Variants in NFIB observed in about 807,000 individuals in gnomAD.
The protein encoded by NFIB is nuclear factor 1 B-type.
A neutral mutation model predicts 61.5 loss-of-function variants in NFIB; 11 were observed. The ratio of observed to expected loss-of-function variants is 0.18; its 90% confidence interval spans 0.11 to 0.30. NFIB has a LOEUF of 0.30. Among genes scored for constraint, NFIB ranks in the 10% least tolerant of loss-of-function variants. The pLI is 1.00. For synonymous variants in NFIB, 260 were observed against 216.5 expected (o/e 1.20, Z -1.76); for missense variants, 471 against 608.9 (o/e 0.77, Z 2.38).
At chr9:14,265,310 G>A (rs936017179) in intron 2 of NFIB, among the ~76,000 whole-genome samples, 8 of 152,186 alleles carry the variant, frequency 5.3e-5, no homozygotes, top group African/African-American at 1.4e-4. Context: ...CAACCCCAAT[G>A]TAGGCAGAAC....
intron 1 of NFIB, among the ~76,000 whole-genome samples, chr9:14,349,943 C>T (rs1316537828): frequency 1.3e-5 from 2 of 152,174 alleles, no homozygotes; most frequent in South Asian, 2.1e-4. Context: ...TTCCCTTCCC[C>T]GTGTGCCCCT....
chr9:14,350,431 G>A (rs1009430156), intron 1 of NFIB, among the ~76,000 whole-genome samples: 4 of 147,880 alleles, frequency 2.7e-5, no homozygotes, highest in South Asian at 2.3e-4. Flanking sequence ...ATCAGTCGGA[G>A]TTGTTGCTAC....
chr9:14,484,625 A>G, the NFIB span, among the ~76,000 whole-genome samples: 2 of 152,244 alleles, frequency 1.3e-5, no homozygotes, highest in South Asian at 2.1e-4. Flanking sequence ...AGCTACTACC[A>G]TCCTGGATGG....
chr9:14,197,197 T>C (rs926384388), intron 2 of NFIB, among the ~76,000 whole-genome samples: 1 of 152,236 alleles, frequency 6.6e-6, no homozygotes, highest in Admixed American at 6.5e-5. Context: ...TGCAGAGTAA[T>C]AGAAAAACCT....
intron 2 of NFIB, among the ~76,000 whole-genome samples, chr9:14,255,526 G>C (rs1015134559): frequency 4.6e-5 from 7 of 152,088 alleles, no homozygotes; most frequent in African/African-American, 7.2e-5. Context: ...TAAAAATCCA[G>C]GGCATACTGA....
chr9:14,184,393 T>G (rs1410016172), intron 2 of NFIB, among the ~76,000 whole-genome samples: 2 of 152,208 alleles, frequency 1.3e-5, no homozygotes, highest in Non-Finnish European at 2.9e-5. Flanking sequence ...TTCAGAATCT[T>G]TTTTTAAACC....
intron 1 of NFIB, among the ~76,000 whole-genome samples, chr9:14,365,947 G>C (rs537519436): frequency 2.0e-5 from 3 of 152,152 alleles, no homozygotes; most frequent in Non-Finnish European, 2.9e-5. Context: ...CCAGATGTGG[G>C]CTTAGGGATC....
intron 10 of NFIB, among the ~76,000 whole-genome samples, chr9:14,092,992 A>T (rs2034186105): frequency 6.6e-6 from 1 of 152,186 alleles, no homozygotes; most frequent in East Asian, 1.9e-4. Flanking sequence ...ATGTTTTTTT[A>T]AAATTATGCA....
intron 4 of NFIB, among the ~76,000 whole-genome samples, chr9:14,150,593 A>C (rs2042758396): frequency 6.6e-6 from 1 of 152,154 alleles, no homozygotes; most frequent in Non-Finnish European, 1.5e-5. Flanking sequence ...CTTGGAGGAA[A>C]CAGAATATAC....
chr9:14,431,011 G>A, the NFIB span, among the ~76,000 whole-genome samples: 1 of 152,048 alleles, frequency 6.6e-6, no homozygotes, highest in African/African-American at 2.4e-5. Flanking sequence ...GGAAATAATG[G>A]GGCCTTTGAG....
chr9:14,425,375 G>A, the NFIB span, among the ~76,000 whole-genome samples: 7 of 152,046 alleles, frequency 4.6e-5, no homozygotes, highest in African/African-American at 1.4e-4. Flanking sequence ...GTACCAGCAG[G>A]AATCGAGGGC....
At chr9:14,399,494 T>C (rs1479544879), upstream of NFIB, among the ~76,000 whole-genome samples, 2 of 152,190 alleles carry the variant, frequency 1.3e-5, no homozygotes, top group African/African-American at 4.8e-5. Flanking sequence ...GGCAAAAAAT[T>C]TGCAAGTAAT....
intron 1 of NFIB, among the ~76,000 whole-genome samples, chr9:14,369,947 A>G (rs2061340355): frequency 6.6e-6 from 1 of 152,070 alleles, no homozygotes; most frequent in South Asian, 2.1e-4. Context: ...CTATCTCTTT[A>G]CCCCCAGGGT....
intron 1 of NFIB, among the ~76,000 whole-genome samples, chr9:14,338,301 G>C (rs1195918381): frequency 6.6e-6 from 1 of 152,148 alleles, no homozygotes; most frequent in African/African-American, 2.4e-5. Flanking sequence ...GGCTGAGGCA[G>C]GAGAATGGCG....
intron 6 of NFIB, among the ~76,000 whole-genome samples, chr9:14,134,897 C>CAAAAAAAAAAAAAAAAAAAAAAA (rs57014530): frequency 1.6e-5 from 1 of 64,342 alleles, no homozygotes; most frequent in African/African-American, 4.6e-5. Flanking sequence ...GACTCTGTCT[C>CAAAAAAAAAAAAAAAAAAAAAAA]AAAAAAAAAA....
At chr9:14,366,942 A>T (rs867294813) in intron 1 of NFIB, among the ~76,000 whole-genome samples, 3 of 152,122 alleles carry the variant, frequency 2.0e-5, no homozygotes, top group Middle Eastern at 3.4e-3. Context: ...CTCCTACTTC[A>T]GAGGGCCCTG....
chr9:14,131,715 C>G (rs1177804006), intron 6 of NFIB, among the ~76,000 whole-genome samples: 1 of 152,204 alleles, frequency 6.6e-6, no homozygotes, highest in African/African-American at 2.4e-5. Flanking sequence ...TTAGGAAACA[C>G]TAATGAGACA....
the NFIB span, among the ~76,000 whole-genome samples, chr9:14,447,896 T>C: frequency 6.6e-6 from 1 of 152,158 alleles, no homozygotes; most frequent in African/African-American, 2.4e-5. Context: ...GATGATGCTT[T>C]TTCACATATT....
At chr9:14,323,812 C>G (rs896890914) in intron 1 of NFIB, among the ~76,000 whole-genome samples, 3 of 152,138 alleles carry the variant, frequency 2.0e-5, no homozygotes, top group African/African-American at 7.2e-5. Context: ...AAGGCATGGC[C>G]TTATTACCAA....
Sources: allele counts gnomAD v4.1 joint callset (sites outside exome capture counted in the v4.1 genomes callset), GRCh38; gene constraint gnomAD v4.1.1; transcripts MANE v1.5; gene names NCBI Gene and HGNC (gene_info 2026-07-23, HGNC 2026-07-21).